TASP1: variants seen among roughly 807,000 people sequenced by gnomAD.
TASP1 encodes threonine aspartase 1.
TASP1 carries 16 observed loss-of-function variants against 56.6 expected under a neutral mutation model. The observed-to-expected ratio is 0.28, with a 90% CI of 0.19 to 0.43. The LOEUF (loss-of-function observed/expected upper bound fraction) is 0.43, where lower values mean the gene tolerates loss of function less well. Ranked by LOEUF, TASP1 falls within the 20% of genes least tolerant of loss-of-function variation. The pLI is 1.00. For synonymous variants in TASP1, 179 were observed against 184.2 expected, an observed-to-expected ratio of 0.97 and a Z score of 0.23; for missense variants, 393 against 511.6, an observed-to-expected ratio of 0.77 and a Z score of 2.24.
chr20:13,147,819 G>C, the TASP1 span, among the ~76,000 whole-genome samples: 1 of 152,196 alleles, frequency 6.6e-6, no homozygotes, highest in Non-Finnish European at 1.5e-5. Flanking sequence ...TTGAAGGAGG[G>C]AATGAGCTGG....
intron 13 of TASP1, among the ~76,000 whole-genome samples, chr20:13,408,167 C>T (rs2041987054): frequency 6.6e-6 from 1 of 151,988 alleles, no homozygotes; most frequent in Non-Finnish European, 1.5e-5. Flanking sequence ...CTCCTAAGTC[C>T]TCCTAAGAAA....
intron 11 of TASP1, among the ~76,000 whole-genome samples, chr20:13,476,940 A>C (rs2042969475): frequency 6.6e-6 from 1 of 152,164 alleles, no homozygotes; most frequent in South Asian, 2.1e-4. Flanking sequence ...AAAAGATTTT[A>C]GTGTTTGAAA....
chr20:13,292,262 T>C, the TASP1 span: 1 of 676,010 alleles, frequency 1.5e-6, no homozygotes, highest in Non-Finnish European at 2.6e-6. Flanking sequence ...CCGTGAGTAG[T>C]AATGAATACA....
the TASP1 span, among the ~76,000 whole-genome samples, chr20:13,364,346 G>T: frequency 1.3e-5 from 2 of 152,206 alleles, no homozygotes; most frequent in East Asian, 3.9e-4. Flanking sequence ...GCCTGTGGAA[G>T]AGAGGACCAT....
At chr20:13,594,992 C>T (rs1452444658) in intron 4 of TASP1, among the ~76,000 whole-genome samples, 1 of 152,044 alleles carries the variant, frequency 6.6e-6, no homozygotes, top group Admixed American at 6.5e-5. Flanking sequence ...TCAGGTTACC[C>T]ACAAAGGGAA....
chr20:13,396,028 G>A (rs548146719), intron 13 of TASP1, among the ~76,000 whole-genome samples: 1 of 152,102 alleles, frequency 6.6e-6, no homozygotes. Flanking sequence ...TGCCACAAAC[G>A]TGATACACCT....
chr20:13,582,131 A>G (rs2147221522), intron 5 of TASP1, among the ~76,000 whole-genome samples: 1 of 151,798 alleles, frequency 6.6e-6, no homozygotes, highest in South Asian at 2.1e-4. Context: ...TACAAAAAAA[A>G]AAAAAAAGAA....
intron 4 of TASP1, among the ~76,000 whole-genome samples, chr20:13,592,194 C>CAAG (rs1479755779): frequency 6.6e-6 from 1 of 151,732 alleles, no homozygotes; most frequent in African/African-American, 2.4e-5. Context: ...GTCAGGAGTT[C>CAAG]AAGACCAGCC....
At chr20:13,549,590 G>A (rs2045914316) in intron 8 of TASP1, among the ~76,000 whole-genome samples, 2 of 152,064 alleles carry the variant, frequency 1.3e-5, no homozygotes, top group Non-Finnish European at 2.9e-5. Context: ...ATCACATGGA[G>A]ACATATTTAA....
chr20:13,634,728 CAAAAA>C (rs559609508), intron 1 of TASP1, among the ~76,000 whole-genome samples: 1 of 53,412 alleles, frequency 1.9e-5, no homozygotes, highest in Non-Finnish European at 3.8e-5. Flanking sequence ...AAACTCCGTC[CAAAAA>C]AAAAAAAAAA....
the TASP1 span, among the ~76,000 whole-genome samples, chr20:13,202,705 A>T: frequency 6.6e-6 from 1 of 152,216 alleles, no homozygotes; most frequent in East Asian, 1.9e-4. Context: ...GTCAAAGAGG[A>T]TTTATGGATA....
chr20:13,569,445 G>A, intron 7 of TASP1, 62 bp downstream of exon 7: 3 of 1,285,036 alleles, frequency 2.3e-6, no homozygotes, highest in Non-Finnish European at 3.3e-6. Flanking sequence ...CATAACAGAA[G>A]CAATATTATA....
chr20:13,337,976 C>A, the TASP1 span, among the ~76,000 whole-genome samples: 4 of 152,062 alleles, frequency 2.6e-5, no homozygotes, highest in African/African-American at 4.8e-5. Context: ...GGGTCCTGAT[C>A]GAGACCCCAA....
At chr20:13,117,133 A>G in the TASP1 span, among the ~76,000 whole-genome samples, 2 of 152,254 alleles carry the variant, frequency 1.3e-5, no homozygotes, top group Admixed American at 6.5e-5. Context: ...AGGCTGATAA[A>G]GGGAATGACT....
the TASP1 span, among the ~76,000 whole-genome samples, chr20:13,198,760 G>C: frequency 6.6e-6 from 1 of 151,190 alleles, no homozygotes; most frequent in South Asian, 2.1e-4. Context: ...TTTTTTCTGG[G>C]CTTTTTTTCT....
chr20:13,177,295 C>T, the TASP1 span, among the ~76,000 whole-genome samples: 3 of 151,818 alleles, frequency 2.0e-5, no homozygotes, highest in Non-Finnish European at 2.9e-5. Flanking sequence ...ACATCCCATG[C>T]TCATGGATTG....
the TASP1 span, among the ~76,000 whole-genome samples, chr20:13,367,679 T>C: frequency 6.6e-6 from 1 of 152,220 alleles, no homozygotes; most frequent in Non-Finnish European, 1.5e-5. Context: ...CAATGAGTAT[T>C]ATTTATTTGT....
the TASP1 span, among the ~76,000 whole-genome samples, chr20:13,355,254 T>C: frequency 1.3e-5 from 2 of 152,184 alleles, no homozygotes; most frequent in Admixed American, 6.5e-5. Context: ...TTGAGTTATA[T>C]CCACATATGT....
intron 11 of TASP1, among the ~76,000 whole-genome samples, chr20:13,467,988 C>A (rs1364918198): frequency 1.3e-5 from 2 of 151,784 alleles, no homozygotes; most frequent in Non-Finnish European, 2.9e-5. Flanking sequence ...TGCATTCCAG[C>A]CTGAGCAACA....
Sources: allele counts gnomAD v4.1 joint callset (sites outside exome capture counted in the v4.1 genomes callset), GRCh38; gene constraint gnomAD v4.1.1; transcripts MANE v1.5; gene names NCBI Gene and HGNC (gene_info 2026-07-23, HGNC 2026-07-21).